The following MAP4K3 variants were observed in gnomAD, a reference collection of about 807,000 sequenced individuals.
MAP4K3 encodes mitogen-activated protein kinase kinase kinase kinase 3, also known as MAPK/ERK kinase kinase kinase 3.
MAP4K3 carries 94 observed loss-of-function variants against 143.5 expected under a neutral mutation model. The ratio of observed to expected loss-of-function variants is 0.65; its 90% CI spans 0.55 to 0.78. The LOEUF is 0.78. Among genes scored for constraint, MAP4K3 ranks in the 30% least tolerant of loss-of-function variants. The probability of loss-of-function intolerance (pLI) is 0.00; values close to 1 mark genes in which losing one functional copy is unlikely to be tolerated. For missense variants in MAP4K3, 1,077 were observed against 1,068.1 expected (o/e 1.01, Z -0.12); for synonymous variants, 416 against 347.2 (o/e 1.20, Z -2.20).
intron 28 of MAP4K3, among the ~76,000 whole-genome samples, chr2:39,264,719 T>A (rs1184986275): frequency 2.0e-5 from 3 of 152,202 alleles, no homozygotes; most frequent in Admixed American, 6.5e-5. Flanking sequence ...GTAAATATTT[T>A]AAAAATTATT....
intron 6 of MAP4K3, among the ~76,000 whole-genome samples, chr2:39,336,484 A>C (rs1349971179): frequency 6.7e-6 from 1 of 149,034 alleles, no homozygotes; most frequent in Admixed American, 6.6e-5. Context: ...AAAAAAAAAA[A>C]AAAAAAAAAA....
intron 2 of MAP4K3, among the ~76,000 whole-genome samples, chr2:39,369,596 A>G (rs998617102): frequency 6.6e-6 from 1 of 152,180 alleles, no homozygotes; most frequent in Non-Finnish European, 1.5e-5. Context: ...CTTTGCTTTT[A>G]TACTATCCTC....
At chr2:39,293,357 A>C in intron 16 of MAP4K3, 89 bp from the exon 17 acceptor site, 1 of 866,328 alleles carries the variant, frequency 1.2e-6, no homozygotes, top group Non-Finnish European at 1.8e-6. Context: ...CCTTAACCAT[A>C]CATTTTTTGA....
chr2:39,301,840 T>C (rs188890549), intron 15 of MAP4K3, among the ~76,000 whole-genome samples: 2 of 151,924 alleles, frequency 1.3e-5, no homozygotes, highest in Non-Finnish European at 2.9e-5. Context: ...CTGGCCAACA[T>C]GATGAAACCC....
intron 23 of MAP4K3, 27 bp from the exon 24 acceptor site, chr2:39,278,513 AT>A: frequency 8.0e-7 from 1 of 1,255,866 alleles, no homozygotes. Context: ...TCACTGACTG[AT>A]TTTGGTAAAT....
chr2:39,409,014 T>C (rs936947930), intron 1 of MAP4K3, among the ~76,000 whole-genome samples: 9 of 152,196 alleles, frequency 5.9e-5, no homozygotes, highest in Non-Finnish European at 7.3e-5. Flanking sequence ...TGTATTTCTG[T>C]AAAGTTATAC....
intron 27 of MAP4K3, 51 bp from the exon 28 acceptor site, chr2:39,265,357 G>A (rs773242513): frequency 7.6e-6 from 8 of 1,053,270 alleles, no homozygotes; most frequent in African/African-American, 1.6e-5. Flanking sequence ...AAGTCATTAT[G>A]ACAATAATTG....
intron 13 of MAP4K3, among the ~76,000 whole-genome samples, chr2:39,312,712 C>A (rs780290879): frequency 1.6e-4 from 25 of 152,164 alleles, no homozygotes; most frequent in Non-Finnish European, 5.9e-5. Context: ...CCTAACTGTT[C>A]ACAATTGATC....
At chr2:39,307,289 C>A (rs906318311) in intron 15 of MAP4K3, among the ~76,000 whole-genome samples, 2 of 152,024 alleles carry the variant, frequency 1.3e-5, no homozygotes, top group Non-Finnish European at 2.9e-5. Context: ...ATTTATTTAA[C>A]ATTTAATAGC....
intron 1 of MAP4K3, among the ~76,000 whole-genome samples, chr2:39,428,600 CG>C (rs1558352914): frequency 6.6e-6 from 1 of 151,342 alleles, no homozygotes; most frequent in African/African-American, 2.4e-5. Context: ...TGCTTGAACC[CG>C]GAAGGCAGAG....
chr2:39,358,817 G>A (rs186862108), intron 2 of MAP4K3, among the ~76,000 whole-genome samples: 55 of 152,290 alleles, frequency 3.6e-4, no homozygotes, highest in Non-Finnish European at 6.0e-4. Context: ...TAGAGCAGCA[G>A]AGGGTAACTG....
At chr2:39,363,653 A>C (rs1242804010) in intron 2 of MAP4K3, among the ~76,000 whole-genome samples, 1 of 116,174 alleles carries the variant, frequency 8.6e-6, no homozygotes, top group African/African-American at 3.2e-5. Flanking sequence ...TGGGCAATAG[A>C]GTGAGACTCT....
intron 8 of MAP4K3, among the ~76,000 whole-genome samples, chr2:39,331,457 AG>A (rs1263608098): frequency 1.3e-5 from 2 of 152,170 alleles, no homozygotes; most frequent in Non-Finnish European, 2.9e-5. Flanking sequence ...GCCAGATCAC[AG>A]AAGACTCAAC....
At position 39,332,035 on chromosome 2, in the gene MAP4K3, A is replaced by T. The variant is rs775927777; in HGVS notation, c.458-46T>A. 6.9e-6 allele frequency: 8 copies of T among 1,162,990 alleles called. No homozygotes were observed. In the South Asian group the frequency reaches 1.3e-4, roughly 19 times the overall value. The allele number at this position is 1,162,990 out of a possible 1,614,324, so 72.0% of individuals were successfully genotyped here. A position where few individuals can be genotyped will look rare whatever the true frequency, so the allele number is the denominator to read the frequency against. ...CATTTAGGAAACTGAGAGAAAATAA[A>T]ATTGTTTAAGGCAACATAAAAAGAA... is the stretch of plus-strand genomic sequence containing the variant. On this transcript the variant is annotated intron_variant, in intron 7 of 33. Transcript: ENST00000263881.
chr2:39,359,181 C>A (rs530560597), intron 2 of MAP4K3, among the ~76,000 whole-genome samples: 5 of 152,294 alleles, frequency 3.3e-5, no homozygotes, highest in East Asian at 3.9e-4. Flanking sequence ...ATGGGAGAAA[C>A]TGGCCAAAAC....
At chr2:39,294,755 T>C (rs529219007) in intron 16 of MAP4K3, among the ~76,000 whole-genome samples, 2 of 152,352 alleles carry the variant, frequency 1.3e-5, no homozygotes, top group East Asian at 3.9e-4. Flanking sequence ...AGTTGGGACT[T>C]GATTAGTATT....
intron 1 of MAP4K3, among the ~76,000 whole-genome samples, chr2:39,406,077 A>G (rs1319068046): frequency 6.6e-6 from 1 of 152,124 alleles, no homozygotes; most frequent in Admixed American, 6.5e-5. Flanking sequence ...GAAATTCTGC[A>G]GTTGAAAAAT....
intron 32 of MAP4K3, among the ~76,000 whole-genome samples, chr2:39,253,291 G>A (rs1020556746): frequency 5.3e-5 from 8 of 152,234 alleles, no homozygotes; most frequent in Non-Finnish European, 7.4e-5. Flanking sequence ...GCGCCACCAC[G>A]CCTGGCTAAT....
intron 6 of MAP4K3, among the ~76,000 whole-genome samples, chr2:39,335,883 T>G (rs1664936111): frequency 6.6e-6 from 1 of 152,334 alleles, no homozygotes; most frequent in Middle Eastern, 3.4e-3. Context: ...GTTCATAGTT[T>G]ATCATCAGAA....
Sources: allele counts gnomAD v4.1 joint callset (sites outside exome capture counted in the v4.1 genomes callset), GRCh38; gene constraint gnomAD v4.1.1; transcripts MANE v1.5; gene names NCBI Gene and HGNC (gene_info 2026-07-23, HGNC 2026-07-21).